The following GABRG3 variants were observed in gnomAD, a reference collection of about 807,000 sequenced individuals.
GABRG3 encodes gamma-aminobutyric acid type A receptor subunit gamma3, also known as gamma-aminobutyric acid receptor subunit gamma-3.
In GABRG3, 25 loss-of-function variants were observed where a neutral mutation model predicts 48.8. The observed-to-expected ratio is 0.51, with a 90% CI of 0.37 to 0.72. The LOEUF (loss-of-function observed/expected upper bound fraction) is 0.72, where lower values mean the gene tolerates loss of function less well. GABRG3 is among the 30% of genes least tolerant of loss of function. The probability of loss-of-function intolerance (pLI) is 0.00; values close to 1 mark genes in which losing one functional copy is unlikely to be tolerated. For missense variants in GABRG3, 394 were observed against 577.9 expected, an observed-to-expected ratio of 0.68 and a Z score of 3.26; for synonymous variants, 227 against 217.6, an observed-to-expected ratio of 1.04 and a Z score of -0.38.
intron 3 of GABRG3, among the ~76,000 whole-genome samples, chr15:27,082,038 C>A (rs191680087): frequency 6.6e-6 from 1 of 152,276 alleles, no homozygotes; most frequent in East Asian, 1.9e-4. Flanking sequence ...GCAAGGCACA[C>A]AGTCACATCA....
At chr15:27,330,672 G>T (rs1047689651) in intron 5 of GABRG3, among the ~76,000 whole-genome samples, 3 of 152,206 alleles carry the variant, frequency 2.0e-5, no homozygotes, top group South Asian at 4.1e-4. Context: ...GATTTTTATA[G>T]AAATAAAATA....
At chr15:27,050,726 T>G (rs1159880701) in intron 3 of GABRG3, among the ~76,000 whole-genome samples, 1 of 152,052 alleles carries the variant, frequency 6.6e-6, no homozygotes, top group African/African-American at 2.4e-5. Context: ...CTTTTTAAAT[T>G]TAATTATAAT....
intron 3 of GABRG3, among the ~76,000 whole-genome samples, chr15:27,283,945 A>G (rs75690772): frequency 6.6e-6 from 1 of 152,224 alleles, no homozygotes; most frequent in Non-Finnish European, 1.5e-5. Context: ...AAAAGTTCTC[A>G]GTCTCTTTTC....
intron 5 of GABRG3, among the ~76,000 whole-genome samples, chr15:27,375,211 T>C (rs1895555017): frequency 6.6e-6 from 1 of 152,122 alleles, no homozygotes; most frequent in African/African-American, 2.4e-5. Flanking sequence ...GTTCAGTTCA[T>C]GTAAATGCTG....
intron 3 of GABRG3, among the ~76,000 whole-genome samples, chr15:27,252,295 C>T (rs1176814800): frequency 1.3e-5 from 2 of 152,140 alleles, no homozygotes; most frequent in African/African-American, 4.8e-5. Flanking sequence ...CAGAACTGGC[C>T]CCCGGTGTCT....
chr15:27,059,230 G>A (rs1030159154), intron 3 of GABRG3, among the ~76,000 whole-genome samples: 3 of 152,204 alleles, frequency 2.0e-5, no homozygotes, highest in African/African-American at 7.2e-5. Flanking sequence ...GGCCTGAAGG[G>A]CACCCCTACT....
At chr15:27,424,712 C>G (rs886748036) in intron 5 of GABRG3, among the ~76,000 whole-genome samples, 3 of 152,044 alleles carry the variant, frequency 2.0e-5, no homozygotes, top group African/African-American at 7.2e-5. Context: ...TGCCACCACA[C>G]CTGGCTAATT....
chr15:27,029,891 C>T (rs983879044), intron 3 of GABRG3, among the ~76,000 whole-genome samples: 15 of 152,240 alleles, frequency 9.9e-5, no homozygotes, highest in South Asian at 6.2e-4. Context: ...TTTGCTGGGA[C>T]GCCAGAATGA....
At chr15:27,006,066 T>C (rs1482893655) in intron 2 of GABRG3, among the ~76,000 whole-genome samples, 1 of 152,206 alleles carries the variant, frequency 6.6e-6, no homozygotes, top group Non-Finnish European at 1.5e-5. Context: ...ATCTTGTATA[T>C]AGTTATTGAC....
chr15:27,242,716 T>G (rs944865064), intron 3 of GABRG3, among the ~76,000 whole-genome samples: 2 of 152,194 alleles, frequency 1.3e-5, no homozygotes, highest in East Asian at 3.9e-4. Context: ...ATAGTGCAGT[T>G]CGGGCCAGCA....
At chr15:27,107,315 C>T (rs935126712) in intron 3 of GABRG3, among the ~76,000 whole-genome samples, 2 of 151,848 alleles carry the variant, frequency 1.3e-5, no homozygotes, top group African/African-American at 2.4e-5. Context: ...TGGGTAGAAT[C>T]GTATGGTTTT....
intron 6 of GABRG3, among the ~76,000 whole-genome samples, chr15:27,513,233 G>A (rs965221982): frequency 6.6e-6 from 1 of 152,040 alleles, no homozygotes; most frequent in Non-Finnish European, 1.5e-5. Context: ...AGATCACGAG[G>A]TCAGGAGATC....
At chr15:26,998,418 G>A (rs1895380565) in intron 2 of GABRG3, among the ~76,000 whole-genome samples, 1 of 152,164 alleles carries the variant, frequency 6.6e-6, no homozygotes, top group Non-Finnish European at 1.5e-5. Context: ...TGGGACAGCA[G>A]CCCAATACTC....
At chr15:27,096,041 A>G (rs927002318) in intron 3 of GABRG3, among the ~76,000 whole-genome samples, 1 of 152,184 alleles carries the variant, frequency 6.6e-6, no homozygotes, top group Non-Finnish European at 1.5e-5. Context: ...AGATCCTTGC[A>G]TTTGGAAATG....
intron 2 of GABRG3, among the ~76,000 whole-genome samples, chr15:27,003,029 C>A (rs2140657801): frequency 6.6e-6 from 1 of 151,762 alleles, no homozygotes; most frequent in African/African-American, 2.4e-5. Flanking sequence ...TGCCCCTATC[C>A]AGAAACTATC....
At chr15:27,445,499 T>C (rs1311501679) in intron 5 of GABRG3, among the ~76,000 whole-genome samples, 1 of 152,234 alleles carries the variant, frequency 6.6e-6, no homozygotes, top group Admixed American at 6.5e-5. Flanking sequence ...AAATTATCTA[T>C]TCCCATCTGC....
At chr15:27,219,885 G>A (rs2140440079) in intron 3 of GABRG3, among the ~76,000 whole-genome samples, 1 of 152,310 alleles carries the variant, frequency 6.6e-6, no homozygotes, top group South Asian at 2.1e-4. Context: ...TTGTGCAACT[G>A]TTTTTCATAA....
At chr15:27,252,159 G>C (rs558957878) in intron 3 of GABRG3, among the ~76,000 whole-genome samples, 1 of 152,118 alleles carries the variant, frequency 6.6e-6, no homozygotes, top group African/African-American at 2.4e-5. Context: ...TTGTGAAATC[G>C]GGGGACATAA....
chr15:27,139,411 C>A (rs1013241223), intron 3 of GABRG3, among the ~76,000 whole-genome samples: 2 of 152,054 alleles, frequency 1.3e-5, no homozygotes, highest in Admixed American at 6.6e-5. Flanking sequence ...CTATCTGGGC[C>A]CTCAGCAGAA....
Sources: allele counts gnomAD v4.1 joint callset (sites outside exome capture counted in the v4.1 genomes callset), GRCh38; gene constraint gnomAD v4.1.1; transcripts MANE v1.5; gene names NCBI Gene and HGNC (gene_info 2026-07-23, HGNC 2026-07-21).